Variants in MORC1 observed in about 807,000 individuals in gnomAD.
MORC1 encodes the protein MORC family CW-type zinc finger protein 1.
MORC1 carries 59 observed loss-of-function variants against 134.9 expected under a neutral mutation model. That is an observed-to-expected ratio of 0.44 (90% CI 0.35 to 0.54). The LOEUF is 0.54. Among genes scored for constraint, MORC1 ranks in the 20% least tolerant of loss-of-function variants. The pLI, the probability that MORC1 is intolerant of heterozygous loss-of-function variation, is 0.00. For missense variants in MORC1, 947 were observed against 1,134.5 expected (o/e 0.83, Z 2.37); for synonymous variants, 395 against 391.7 (o/e 1.01, Z -0.10).
intron 13 of MORC1, among the ~76,000 whole-genome samples, chr3:109,056,745 T>C (rs1323061078): frequency 2.6e-5 from 4 of 152,198 alleles, no homozygotes; most frequent in East Asian, 3.9e-4. Flanking sequence ...GGAAGCAAGA[T>C]AGTAAATGCT....
intron 17 of MORC1, among the ~76,000 whole-genome samples, chr3:109,013,193 TA>T (rs1948738276): frequency 6.6e-6 from 1 of 152,178 alleles, no homozygotes; most frequent in African/African-American, 2.4e-5. Context: ...TTATGTTATA[TA>T]ATTATATGGT....
At chr3:109,059,680 G>T (rs1384471121) in intron 12 of MORC1, 126 bp downstream of exon 12, 1 of 677,918 alleles carries the variant, frequency 1.5e-6, no homozygotes. Flanking sequence ...TTAGGTTTCA[G>T]ATTATAAGAT....
At chr3:108,962,089 A>G (rs2107348520) in intron 27 of MORC1, among the ~76,000 whole-genome samples, 1 of 152,292 alleles carries the variant, frequency 6.6e-6, no homozygotes, top group East Asian at 1.9e-4. Context: ...TCCTACTCTC[A>G]TAGCAATAAA....
chr3:109,032,369 C>G (rs1326356190), intron 16 of MORC1, among the ~76,000 whole-genome samples: 1 of 152,108 alleles, frequency 6.6e-6, no homozygotes, highest in African/African-American at 2.4e-5. Flanking sequence ...CAGTTTAATG[C>G]CCCTGGAGAC....
At chr3:109,054,987 T>C (rs1307520185) in intron 13 of MORC1, 105 bp from the exon 14 acceptor site, 1 of 1,073,344 alleles carries the variant, frequency 9.3e-7, no homozygotes. Context: ...AATAAATTCA[T>C]TCTGTTGATC....
intron 8 of MORC1, among the ~76,000 whole-genome samples, chr3:109,092,993 C>T (rs922310891): frequency 6.6e-6 from 1 of 152,116 alleles, no homozygotes; most frequent in Non-Finnish European, 1.5e-5. Context: ...TCACACTATC[C>T]TAATGTCTGT....
intron 8 of MORC1, among the ~76,000 whole-genome samples, chr3:109,091,510 G>A (rs1382186740): frequency 6.6e-6 from 1 of 151,768 alleles, no homozygotes; most frequent in Admixed American, 6.6e-5. Context: ...AAGGGAGCTT[G>A]GGAGTGATGG....
At chr3:108,990,469 C>T (rs1252204019) in intron 21 of MORC1, among the ~76,000 whole-genome samples, 1 of 152,104 alleles carries the variant, frequency 6.6e-6, no homozygotes, top group African/African-American at 2.4e-5. Flanking sequence ...CCAGCTTTTT[C>T]CTAGTCTTTC....
intron 8 of MORC1, among the ~76,000 whole-genome samples, chr3:109,091,707 C>G (rs943309492): frequency 6.6e-6 from 1 of 152,094 alleles, no homozygotes; most frequent in Non-Finnish European, 1.5e-5. Flanking sequence ...TATGAATCCT[C>G]TTTACAGTGA....
At chr3:109,092,282 C>A (rs977940318) in intron 8 of MORC1, among the ~76,000 whole-genome samples, 4 of 152,066 alleles carry the variant, frequency 2.6e-5, no homozygotes, top group African/African-American at 7.2e-5. Context: ...AGGAATTCTA[C>A]ATGTTGGAAT....
intron 9 of MORC1, among the ~76,000 whole-genome samples, chr3:109,066,422 A>G (rs1950197441): frequency 6.6e-6 from 1 of 151,816 alleles, no homozygotes; most frequent in South Asian, 2.1e-4. Context: ...AATAGCTGGG[A>G]TTACAGGTGC....
At chr3:109,110,868 T>A in intron 2 of MORC1, 85 bp from the exon 3 acceptor site, 1 of 1,023,060 alleles carries the variant, frequency 9.8e-7, no homozygotes, top group Non-Finnish European at 1.4e-6. Context: ...TATCAAACAA[T>A]ACAAAAATCC....
intron 14 of MORC1, 145 bp from the exon 15 acceptor site, chr3:109,035,613 T>C (rs866030746): frequency 2.0e-6 from 1 of 495,954 alleles, no homozygotes; most frequent in Non-Finnish European, 3.4e-6. Flanking sequence ...AAAATATCAA[T>C]ATTGGTTGTC....
intron 26 of MORC1, among the ~76,000 whole-genome samples, chr3:108,966,655 A>G (rs1256326677): frequency 6.6e-6 from 1 of 152,226 alleles, no homozygotes; most frequent in Non-Finnish European, 1.5e-5. Context: ...CAGAACACAG[A>G]GAGGTCAAGA....
chr3:109,027,752 T>C lies in MORC1; in HGVS notation c.1703A>G (p.Gln568Arg), dbSNP rs1458112209. The change falls in exon 17 of 28, where the codon CAG becomes CGG. Residue 568 changes from glutamine to arginine, a missense_variant and splice_region_variant. Physicochemically the swap from Gln to Arg is conservative, Grantham distance 43. Transcript: ENST00000232603. ...AGGGAGGAATTAATCACAACTCACC[T>C]GTGGCTGCTGTTCTGCCAGTCTATT... ...YQNRLAEQQP[Q>R]PQFIPVDEIT... 1 of 1,613,784 alleles carries C rather than the reference T, an allele frequency of 6.2e-7. No homozygotes were observed. Among genetic ancestry groups the C allele is most frequent in the Non-Finnish European group, 8.5e-7 (1 of 1,179,774 alleles).
At chr3:108,981,764 A>G (rs1049204774) in intron 23 of MORC1, among the ~76,000 whole-genome samples, 2 of 152,186 alleles carry the variant, frequency 1.3e-5, no homozygotes, top group Non-Finnish European at 2.9e-5. Flanking sequence ...ATCATTAGTA[A>G]TGCATTTGAT....
intron 12 of MORC1, among the ~76,000 whole-genome samples, chr3:109,058,167 C>T (rs1559926455): frequency 6.6e-6 from 1 of 152,104 alleles, no homozygotes; most frequent in Non-Finnish European, 1.5e-5. Flanking sequence ...CTGCTGGAAG[C>T]TATGAAAATG....
At position 108,958,745 on chromosome 3, in the gene MORC1, A is replaced by G; in HGVS notation, c.*220T>C. ...TCTAGATATTATTAATATTTCTGAAAGAAAAGGAAGATTTAGATAATTGGA... is the reference window on the plus strand; with the variant it reads ...TCTAGATATTATTAATATTTCTGAAGGAAAAGGAAGATTTAGATAATTGGA... On this transcript the variant is annotated 3_prime_UTR_variant, in exon 28 of 28. Coordinates refer to ENST00000232603, the MANE Select transcript of MORC1 (RefSeq NM_014429.4). The G allele has an allele frequency of 4.1e-6, 1 of 242,488 alleles. No homozygotes were observed. Among genetic ancestry groups the G allele is most frequent in the African/African-American group, 2.2e-5 (1 of 45,174 alleles). 15.0% of individuals were successfully genotyped at this position (242,488 alleles called of 1,614,324 possible).
chr3:108,987,406 G>C (rs556515902), intron 21 of MORC1, among the ~76,000 whole-genome samples: 1 of 152,290 alleles, frequency 6.6e-6, no homozygotes, highest in Non-Finnish European at 1.5e-5. Context: ...AGAGTTTGGG[G>C]CTGGGGCCTG....
Sources: allele counts gnomAD v4.1 joint callset (sites outside exome capture counted in the v4.1 genomes callset), GRCh38; gene constraint gnomAD v4.1.1; transcripts MANE v1.5; gene names NCBI Gene and HGNC (gene_info 2026-07-23, HGNC 2026-07-21).